The following FHIT variants were observed in gnomAD, a reference collection of about 807,000 sequenced individuals.
The protein encoded by FHIT is fragile histidine triad diadenosine triphosphatase.
A neutral mutation model predicts 17.9 loss-of-function variants in FHIT; 19 were observed. The observed-to-expected ratio is 1.06, with a 90% confidence interval of 0.74 to 1.56. The LOEUF is 1.56. Among genes scored for constraint, FHIT ranks in the 40% most tolerant of loss-of-function variants. The probability of loss-of-function intolerance (pLI) is 0.00; values close to 1 mark genes in which losing one functional copy is unlikely to be tolerated. For missense variants in FHIT, 248 were observed against 189.2 expected, an observed-to-expected ratio of 1.31 and a Z score of -1.82; for synonymous variants, 81 against 69.7, an observed-to-expected ratio of 1.16 and a Z score of -0.81.
rs182586876 is a variant in FHIT, at chr3:59,946,715, A to T, written c.280-24301T>A. 3.0e-3 allele frequency among the ~76,000 whole-genome samples: 460 copies of T among 152,286 alleles called. 1 individual carries two copies. Among genetic ancestry groups the T allele is most frequent in the Non-Finnish European group, 5.4e-3 (368 of 68,016 alleles). On this transcript the variant is annotated intron_variant, in intron 7 of 9. Transcript: ENST00000492590. ...AATGCCTAGTTTGTTGAGGATTTTT[A>T]ACAAGAAGGATGTCTAATTTTATCA...
intron 4 of FHIT, among the ~76,000 whole-genome samples, chr3:60,629,555 C>G (rs141277446): frequency 4.3e-4 from 65 of 152,248 alleles, no homozygotes; most frequent in African/African-American, 1.5e-3. Flanking sequence ...GCAGGAAAGC[C>G]TAGTTTAGCA....
chr3:59,981,101 G>T (rs1708634990), intron 7 of FHIT, among the ~76,000 whole-genome samples: 1 of 152,002 alleles, frequency 6.6e-6, no homozygotes, highest in Non-Finnish European at 1.5e-5. Context: ...AAAAAACACT[G>T]GGTCCATGGA....
chr3:61,242,443 C>T (rs1314276101), intron 1 of FHIT, among the ~76,000 whole-genome samples: 1 of 152,198 alleles, frequency 6.6e-6, no homozygotes, highest in Non-Finnish European at 1.5e-5. Context: ...TACTAAACAA[C>T]CTTCATTTAC....
At chr3:60,976,090 C>CTTTTTT (rs1710224532) in intron 3 of FHIT, among the ~76,000 whole-genome samples, 1 of 58,086 alleles carries the variant, frequency 1.7e-5, no homozygotes, top group African/African-American at 7.0e-5. Flanking sequence ...TTTCGTTTTT[C>CTTTTTT]TTTTTCTTTT....
intron 3 of FHIT, among the ~76,000 whole-genome samples, chr3:60,919,130 A>G (rs1156591979): frequency 1.3e-5 from 2 of 152,182 alleles, no homozygotes; most frequent in Non-Finnish European, 2.9e-5. Flanking sequence ...GCTCTTGTCA[A>G]GATGATGCAG....
chr3:60,929,946 T>C (rs34430551), intron 3 of FHIT, among the ~76,000 whole-genome samples: 37,749 of 152,142 alleles, frequency 0.25, 6,035 homozygotes, highest in East Asian at 0.62. Flanking sequence ...GGCATCATGC[T>C]ACCTGACTTC....
intron 3 of FHIT, among the ~76,000 whole-genome samples, chr3:60,907,420 A>T (rs2107252311): frequency 6.6e-6 from 1 of 152,380 alleles, no homozygotes; most frequent in African/African-American, 2.4e-5. Flanking sequence ...GTCCAAAGAG[A>T]CAAAATAACT....
chr3:60,697,597 A>G (rs2107899970), intron 4 of FHIT, among the ~76,000 whole-genome samples: 1 of 152,310 alleles, frequency 6.6e-6, no homozygotes, highest in Non-Finnish European at 1.5e-5. Context: ...CAATCAGAAT[A>G]GCATGGTTAG....
intron 6 of FHIT, 107 bp from the exon 7 acceptor site, chr3:60,011,507 A>G: frequency 1.0e-6 from 1 of 958,912 alleles, no homozygotes; most frequent in Non-Finnish European, 1.7e-6. Flanking sequence ...ATTGTGTGTT[A>G]ATTTATAGTA....
chr3:60,777,339 G>A (rs1553724733), intron 4 of FHIT, among the ~76,000 whole-genome samples: 1 of 152,178 alleles, frequency 6.6e-6, no homozygotes, highest in African/African-American at 2.4e-5. Context: ...AGAAAGGCAG[G>A]ACAACTCAAA....
At chr3:60,038,792 G>T (rs148536353) in intron 5 of FHIT, among the ~76,000 whole-genome samples, 1 of 152,116 alleles carries the variant, frequency 6.6e-6, no homozygotes, top group Non-Finnish European at 1.5e-5. Flanking sequence ...ACCATGGTGC[G>T]AAACAAAGAT....
At chr3:60,841,526 A>G (rs1199926739) in intron 3 of FHIT, among the ~76,000 whole-genome samples, 3 of 152,232 alleles carry the variant, frequency 2.0e-5, no homozygotes, top group African/African-American at 7.2e-5. Flanking sequence ...ATTATTTCTC[A>G]ATGTCTATGC....
chr3:59,874,152 T>G (rs1302348152), intron 8 of FHIT, among the ~76,000 whole-genome samples: 1 of 152,176 alleles, frequency 6.6e-6, no homozygotes, highest in Non-Finnish European at 1.5e-5. Context: ...TCAAAAAGTT[T>G]CATGTTCCAA....
At chr3:61,083,292 C>T (rs956341784) in intron 2 of FHIT, among the ~76,000 whole-genome samples, 2 of 152,118 alleles carry the variant, frequency 1.3e-5, no homozygotes, top group African/African-American at 2.4e-5. Context: ...ATTCTAATCA[C>T]CCCAGAAAGA....
intron 5 of FHIT, among the ~76,000 whole-genome samples, chr3:60,024,666 T>C (rs943894884): frequency 3.9e-5 from 6 of 151,984 alleles, no homozygotes; most frequent in Non-Finnish European, 2.9e-5. Flanking sequence ...TGTGAAAATA[T>C]AAGGGGTGAG....
At chr3:60,925,968 C>T (rs1227899316) in intron 3 of FHIT, among the ~76,000 whole-genome samples, 1 of 152,208 alleles carries the variant, frequency 6.6e-6, no homozygotes, top group East Asian at 1.9e-4. Flanking sequence ...AAGGCCATTA[C>T]ATAATGGTAA....
chr3:60,314,794 T>C (rs1191686357), intron 5 of FHIT, among the ~76,000 whole-genome samples: 3 of 152,122 alleles, frequency 2.0e-5, no homozygotes, highest in African/African-American at 4.8e-5. Context: ...ACTAAGAGAA[T>C]TCAGCAGAGG....
intron 8 of FHIT, among the ~76,000 whole-genome samples, chr3:59,817,791 G>C (rs1046432079): frequency 2.6e-5 from 4 of 151,952 alleles, no homozygotes; most frequent in African/African-American, 9.7e-5. Flanking sequence ...TTAAAAAAAG[G>C]GAAGAAAAAA....
chr3:60,860,846 G>A (rs199579971), intron 3 of FHIT, among the ~76,000 whole-genome samples: 1,157 of 2,720 alleles, frequency 0.43, 496 homozygotes, highest in South Asian at 0.86. Flanking sequence ...CATATATCAG[G>A]TATATATGAA....
Sources: allele counts gnomAD v4.1 joint callset (sites outside exome capture counted in the v4.1 genomes callset), GRCh38; gene constraint gnomAD v4.1.1; transcripts MANE v1.5; gene names NCBI Gene and HGNC (gene_info 2026-07-23, HGNC 2026-07-21).